PCDHGA3: variants seen among roughly 807,000 people sequenced by gnomAD.
PCDHGA3 encodes protocadherin gamma-A3.
Under a neutral mutation model 58.5 loss-of-function variants are expected in PCDHGA3, and 40 were observed. The ratio of observed to expected loss-of-function variants is 0.68; its 90% CI spans 0.53 to 0.89. The LOEUF is 0.89. Among genes scored for constraint, PCDHGA3 ranks in the 40% least tolerant of loss-of-function variants. The probability of loss-of-function intolerance (pLI) is 0.00; values close to 1 mark genes in which losing one functional copy is unlikely to be tolerated. For missense variants in PCDHGA3, 1,223 were observed against 1,195.9 expected, an observed-to-expected ratio of 1.02 and a Z score of -0.33; for synonymous variants, 530 against 525.7, an observed-to-expected ratio of 1.01 and a Z score of -0.11.
intron 1 of PCDHGA3, among the ~76,000 whole-genome samples, chr5:141,363,511 A>T (rs1323894017): frequency 6.6e-6 from 1 of 152,256 alleles, no homozygotes; most frequent in Non-Finnish European, 1.5e-5. Flanking sequence ...CATCCTCCAC[A>T]GTTACTATAC....
intron 1 of PCDHGA3, chr5:141,407,989 T>C: frequency 1.2e-6 from 1 of 833,618 alleles, no homozygotes; most frequent in Non-Finnish European, 1.8e-6. Context: ...TCCGTCAGCC[T>C]CTGGCCTGGG....
intron 1 of PCDHGA3, among the ~76,000 whole-genome samples, chr5:141,382,424 A>G (rs1778195711): frequency 6.6e-6 from 1 of 152,232 alleles, no homozygotes; most frequent in Non-Finnish European, 1.5e-5. Flanking sequence ...TCAGTGCCCA[A>G]AAGAGTCACT....
chr5:141,374,334 T>G, intron 1 of PCDHGA3: 2 of 1,614,018 alleles, frequency 1.2e-6, no homozygotes, highest in South Asian at 2.2e-5. Flanking sequence ...AACGGCAGCT[T>G]GGTCACCGCG....
intron 1 of PCDHGA3, among the ~76,000 whole-genome samples, chr5:141,402,461 C>A (rs892900332): frequency 1.3e-5 from 2 of 151,994 alleles, no homozygotes; most frequent in East Asian, 3.8e-4. Context: ...GTTTACATAT[C>A]TAGAAATAGA....
chr5:141,408,833 A>G, intron 1 of PCDHGA3: 1 of 1,613,704 alleles, frequency 6.2e-7, no homozygotes, highest in Non-Finnish European at 8.5e-7. Context: ...TCATAGCTTG[A>G]TATTGACTGC....
chr5:141,429,698 A>G (rs1436698608), intron 1 of PCDHGA3, among the ~76,000 whole-genome samples: 2 of 152,228 alleles, frequency 1.3e-5, no homozygotes, highest in Admixed American at 6.5e-5. Flanking sequence ...ATATCTTTAC[A>G]GTATAAATAT....
In PCDHGA3 at chr5:141,345,604, A is replaced by C. The variant is rs777904972; in HGVS notation, c.1571A>C (p.Gln524Pro). 2.5e-6 allele frequency: 4 copies of C among 1,614,038 alleles called. No homozygotes were observed. The highest frequency in any genetic ancestry group is 1.7e-5 in the Admixed American group (1 of 60,006). ...LYALRSFDYE[Q>P]FRDLKLLVTA... ...GCGCTGAGATCCTTCGACTACGAGC[A>C]ATTTAGAGACTTAAAGCTACTGGTG... The change falls in exon 1 of 4, where the codon CAA (glutamine) becomes CCA (proline). Residue 524 changes from glutamine to proline, a missense_variant. Transcript: ENST00000253812.
Position 141,431,205 on chromosome 5 carries a change from A to T in PCDHGA3, c.2425-63602A>T, listed in dbSNP as rs1438031040. ...AAAATTAGTGAAAATGCAGCCACTG[A>T]GATGCGGTTCCCTCTACCCCACGCC... On this transcript the variant is annotated intron_variant, in intron 1 of 3. Transcript: ENST00000253812. This position sits in a 1 kb window ranked among gnomAD's most constrained non-coding sequence, Gnocchi z 4.8. 1.1e-5 allele frequency: 18 copies of T among 1,614,092 alleles called. No homozygotes were observed. Among genetic ancestry groups the T allele is most frequent in the Non-Finnish European group, 1.5e-5 (18 of 1,180,056 alleles).
intron 1 of PCDHGA3, chr5:141,403,051 C>T (rs1273209859): frequency 3.7e-6 from 6 of 1,614,086 alleles, no homozygotes; most frequent in Admixed American, 1.7e-5. Context: ...AGATTCGCTA[C>T]TCAGTGCCTG....
chr5:141,346,127 C>T lies in PCDHGA3; in HGVS notation c.2094C>T (p.Ala698=), dbSNP rs764043448. ...DLTLYLVVAV[A]AVSCVFLAFV... is the part of the protein sequence containing the mutation. Reference sequence around the variant, plus strand: ...CTCTGTACCTGGTGGTGGCGGTGGCCGCGGTCTCCTGCGTCTTCCTGGCCT... The same window carrying T: ...CTCTGTACCTGGTGGTGGCGGTGGCTGCGGTCTCCTGCGTCTTCCTGGCCT... The change falls in exon 1 of 4, where the codon GCC becomes GCT. Residue 698 remains alanine (A), a synonymous_variant. Transcript: ENST00000253812. 3.7e-6 allele frequency: 6 copies of T among 1,613,796 alleles called. No homozygotes were observed. The Admixed American group carries it at 8.3e-5, about 22-fold the overall frequency.
Position 141,489,826 on chromosome 5 carries a change from C to G in PCDHGA3, c.2425-4981C>G. On this transcript the variant is annotated intron_variant, in intron 1 of 3. Transcript: ENST00000253812. This position sits in a 1 kb window ranked among gnomAD's most constrained non-coding sequence, Gnocchi z 4.5. The stretch of plus-strand genomic sequence containing the variant: ...TGGGAAGCCATTCCCAGAGCTGGTG[C>G]TAGAGCAGCAGCTGGATCGTGAAGC... 1 of 1,614,186 alleles carries G rather than the reference C, an allele frequency of 6.2e-7. No homozygotes were observed. The highest frequency in any genetic ancestry group is 8.5e-7 in the Non-Finnish European group (1 of 1,179,988).
rs199514730 is a variant in PCDHGA3 at position 141,374,139 on chromosome 5, T to C, written c.2424+27682T>C. 615 of 1,609,262 alleles carry C rather than the reference T, an allele frequency of 3.8e-4. No individual in the cohort carries two copies. Among genetic ancestry groups the C allele is most frequent in the Non-Finnish European group, 4.6e-4 (547 of 1,177,006 alleles). ...AGCGAGCAGGTCCTGCTCCTCACGC[T>C]CCTGGGGACGCTGTGGGGGGCCGCG... On this transcript the variant is annotated intron_variant, in intron 1 of 3. Transcript: ENST00000253812.
At position 141,511,108 on chromosome 5, in the gene PCDHGA3, G is replaced by A; in HGVS notation, c.2734G>A (p.Asp912Asn). The A allele has an allele frequency of 6.2e-7, 1 of 1,614,244 alleles. No homozygotes were observed. The highest frequency in any genetic ancestry group is 2.2e-5 in the East Asian group (1 of 44,882). Residue 912 changes from aspartate (D) to asparagine (N), a missense_variant, in exon 4 of 4, where the codon GAT (aspartate) becomes AAT (asparagine). Physicochemically the swap from Asp to Asn is conservative, Grantham distance 23. This residue lies in a region of PCDHGA3 where 325 missense variants were observed against 327.5 expected (regional missense o/e 0.99). Coordinates refer to ENST00000253812, the MANE Select transcript of PCDHGA3 (RefSeq NM_018916.4). ...ATLTNAAGKR[D>N]GKAPAGGNGN... Reference sequence around the variant, plus strand: ...ACTGACCAACGCAGCTGGCAAGCGGGATGGCAAGGCCCCAGCAGGTGGCAA... The same window carrying A: ...ACTGACCAACGCAGCTGGCAAGCGGAATGGCAAGGCCCCAGCAGGTGGCAA...
chr5:141,371,942 G>A, intron 1 of PCDHGA3: 5 of 1,613,292 alleles, frequency 3.1e-6, no homozygotes, highest in South Asian at 2.2e-5. Flanking sequence ...TGGTGTTCGC[G>A]CAGCGAGCCT....
rs746539261 is a variant in PCDHGA3, at chr5:141,415,336, C to A, written c.2424+68879C>A. On this transcript the variant is annotated intron_variant, in intron 1 of 3. Transcript: ENST00000253812. ...CATCGTGCTGCTGGCGCACAGGCTG[C>A]GGCGCTGGCACAAGTCACGCCTGCT... 7 of 1,614,200 alleles carry A rather than the reference C, an allele frequency of 4.3e-6. 1 individual carries two copies. The South Asian group carries it at 7.7e-5, about 18-fold the overall frequency.
intron 1 of PCDHGA3, chr5:141,352,334 T>C: frequency 1.9e-6 from 3 of 1,614,084 alleles, no homozygotes; most frequent in Non-Finnish European, 2.5e-6. Context: ...GGTTGTGGCC[T>C]TGGCCTTGAT....
chr5:141,365,440 C>T, intron 1 of PCDHGA3: 3 of 1,613,954 alleles, frequency 1.9e-6, no homozygotes, highest in Non-Finnish European at 1.7e-6. Flanking sequence ...CGCTGTTTAG[C>T]GTACATGATG....
intron 1 of PCDHGA3, among the ~76,000 whole-genome samples, chr5:141,464,525 A>G (rs919668801): frequency 3.3e-5 from 5 of 152,064 alleles, no homozygotes; most frequent in Non-Finnish European, 5.9e-5. Context: ...AGGCATATGT[A>G]GTTTTGTTAA....
intron 1 of PCDHGA3, among the ~76,000 whole-genome samples, chr5:141,448,430 T>C (rs1468604001): frequency 6.6e-6 from 1 of 152,186 alleles, no homozygotes; most frequent in African/African-American, 2.4e-5. Flanking sequence ...TATGTATATA[T>C]TGAGAAGTCT....
Sources: allele counts gnomAD v4.1 joint callset (sites outside exome capture counted in the v4.1 genomes callset), GRCh38; gene constraint gnomAD v4.1.1; regional missense constraint gnomAD v4.1.1; non-coding constraint Gnocchi (gnomAD v3.1); transcripts MANE v1.5; gene names NCBI Gene and HGNC (gene_info 2026-07-23, HGNC 2026-07-21).